Variants in SLIT1 observed in about 807,000 individuals in gnomAD.
SLIT1 encodes the protein slit homolog 1 protein.
Under a neutral mutation model 186.1 loss-of-function variants are expected in SLIT1, and 66 were observed. That is an observed-to-expected ratio of 0.35 (90% CI 0.29 to 0.44). The LOEUF is 0.44. Ranked by LOEUF, SLIT1 falls within the 20% of genes least tolerant of loss-of-function variation. The pLI is 1.00. For missense variants in SLIT1, 1,638 were observed against 2,037.4 expected, an observed-to-expected ratio of 0.80 and a Z score of 3.77; for synonymous variants, 761 against 833.8, an observed-to-expected ratio of 0.91 and a Z score of 1.50.
At chr10:97,039,880 C>T in intron 21 of SLIT1, 108 bp downstream of exon 21, 1 of 1,305,782 alleles carries the variant, frequency 7.7e-7, no homozygotes, top group Non-Finnish European at 1.1e-6. Flanking sequence ...AATGCCTGCT[C>T]TTGGTCACCT....
chr10:97,073,280 T>C (rs1849016876), intron 4 of SLIT1, among the ~76,000 whole-genome samples: 1 of 152,204 alleles, frequency 6.6e-6, no homozygotes, highest in Admixed American at 6.5e-5. Context: ...CTGGGCCACC[T>C]TCATCTTCCT....
chr10:97,038,779 A>G (rs184755384), intron 21 of SLIT1, among the ~76,000 whole-genome samples: 148 of 152,286 alleles, frequency 9.7e-4, no homozygotes, highest in African/African-American at 3.3e-3. Flanking sequence ...GCTCTGCATC[A>G]TACAAACTGA....
chr10:97,048,172 G>C (rs73320647), intron 14 of SLIT1, among the ~76,000 whole-genome samples, 176 bp from the exon 15 acceptor site: 1 of 152,196 alleles, frequency 6.6e-6, no homozygotes, highest in Non-Finnish European at 1.5e-5. Flanking sequence ...CCTTGCCCAG[G>C]CTGACACTGG....
intron 4 of SLIT1, among the ~76,000 whole-genome samples, chr10:97,147,271 G>A (rs1264578536): frequency 1.3e-5 from 2 of 152,172 alleles, no homozygotes; most frequent in Non-Finnish European, 2.9e-5. Context: ...GCTGCAGGGA[G>A]GGGGATGAGG....
Position 97,037,694 on chromosome 10 carries a change from T to C in SLIT1, c.2366+4A>G. On this transcript the variant is annotated splice_donor_region_variant and intron_variant, in intron 22 of 36. Transcript: ENST00000266058. ...TCCTGTCCTCAAGCGGCCTGGATAC[T>C]TACACGAGCTGCAGGTACTTGAAGG... 1 of 1,608,572 alleles carries C rather than the reference T, an allele frequency of 6.2e-7. No homozygotes were observed.
At chr10:97,117,502 A>G (rs1849519909) in intron 4 of SLIT1, among the ~76,000 whole-genome samples, 1 of 152,234 alleles carries the variant, frequency 6.6e-6, no homozygotes, top group Admixed American at 6.5e-5. Flanking sequence ...ATGACTATTC[A>G]AGGTTATAAA....
Position 97,045,674 on chromosome 10 carries a change from A to G in SLIT1, c.1853+980T>C, listed in dbSNP as rs370346795. On this transcript the variant is annotated intron_variant, in intron 18 of 36. Transcript: ENST00000266058. ...GAAAAATGAGGCAGCCTATAGGAACAGCCTGGAAAGAAGGCAATGCTGTAT... is the reference window on the plus strand; with the variant it reads ...GAAAAATGAGGCAGCCTATAGGAACGGCCTGGAAAGAAGGCAATGCTGTAT... 2.1e-3 allele frequency among the ~76,000 whole-genome samples: 325 copies of G among 152,384 alleles called. 2 individuals carry two copies. The highest frequency in any genetic ancestry group is 7.7e-3 in the African/African-American group (319 of 41,594).
intron 4 of SLIT1, among the ~76,000 whole-genome samples, chr10:97,109,374 T>C (rs78295680): frequency 6.6e-6 from 1 of 151,958 alleles, no homozygotes; most frequent in Non-Finnish European, 1.5e-5. Context: ...TCTGAGACCA[T>C]CTGCAACCTC....
intron 10 of SLIT1, 21 bp from the exon 11 acceptor site, chr10:97,059,552 G>C: frequency 1.9e-6 from 3 of 1,608,072 alleles, no homozygotes; most frequent in South Asian, 2.2e-5. Flanking sequence ...AGCAGAAGGA[G>C]AGGGGGCATC....
At chr10:97,123,036 C>T (rs1849573611) in intron 4 of SLIT1, among the ~76,000 whole-genome samples, 1 of 152,208 alleles carries the variant, frequency 6.6e-6, no homozygotes, top group South Asian at 2.1e-4. Context: ...GCACAGGGGG[C>T]CTTCAAACAC....
At chr10:97,100,058 TCC>T (rs1163244542) in intron 4 of SLIT1, among the ~76,000 whole-genome samples, 1 of 152,222 alleles carries the variant, frequency 6.6e-6, no homozygotes, top group Non-Finnish European at 1.5e-5. Flanking sequence ...TCCAGGCATC[TCC>T]CCATTGACAA....
At chr10:97,060,253 G>T in intron 9 of SLIT1, 95 bp from the exon 10 acceptor site, 1 of 954,114 alleles carries the variant, frequency 1.0e-6, no homozygotes, top group South Asian at 1.3e-5. Context: ...TAATCCTTTG[G>T]CCCCTCTTGC....
At chr10:97,099,673 G>A (rs779450379) in intron 4 of SLIT1, among the ~76,000 whole-genome samples, 31 of 152,120 alleles carry the variant, frequency 2.0e-4, no homozygotes, top group Admixed American at 1.0e-3. Flanking sequence ...TATCCTTTTC[G>A]AGTAAATCCA....
At chr10:97,158,793 T>C (rs1849987477) in intron 3 of SLIT1, among the ~76,000 whole-genome samples, 1 of 151,236 alleles carries the variant, frequency 6.6e-6, no homozygotes, top group South Asian at 2.1e-4. Flanking sequence ...GGTGGGAGAA[T>C]CACTTGAACC....
intron 13 of SLIT1, among the ~76,000 whole-genome samples, chr10:97,052,272 A>C (rs1030029970): frequency 1.3e-5 from 2 of 151,664 alleles, no homozygotes; most frequent in African/African-American, 4.8e-5. Flanking sequence ...AATTTTTAAG[A>C]ATTTTGTGTA....
At chr10:97,005,798 G>A (rs1265198191) in intron 32 of SLIT1, among the ~76,000 whole-genome samples, 1 of 152,102 alleles carries the variant, frequency 6.6e-6, no homozygotes, top group Non-Finnish European at 1.5e-5. Context: ...AGGCTGAAGA[G>A]TTCTGAGAAA....
intron 20 of SLIT1, 113 bp downstream of exon 20, chr10:97,042,788 T>C: frequency 8.4e-7 from 1 of 1,185,748 alleles, no homozygotes. Flanking sequence ...ACCTCTCCTC[T>C]CAGGGGCATG....
At chr10:97,135,449 T>G (rs1849693266) in intron 4 of SLIT1, among the ~76,000 whole-genome samples, 2 of 152,136 alleles carry the variant, frequency 1.3e-5, no homozygotes, top group Non-Finnish European at 2.9e-5. Context: ...CAGAACAGTA[T>G]TCCTTTGGGA....
chr10:97,149,464 G>C (rs959060465), intron 4 of SLIT1, among the ~76,000 whole-genome samples: 1 of 152,100 alleles, frequency 6.6e-6, no homozygotes, highest in Non-Finnish European at 1.5e-5. Context: ...ACATTGAACC[G>C]GGCGGGGCAG....
Sources: allele counts gnomAD v4.1 joint callset (sites outside exome capture counted in the v4.1 genomes callset), GRCh38; gene constraint gnomAD v4.1.1; transcripts MANE v1.5; gene names NCBI Gene and HGNC (gene_info 2026-07-23, HGNC 2026-07-21).